The following PRAMEF2 variants were observed in gnomAD, a reference collection of about 807,000 sequenced individuals.
PRAMEF2 encodes PRAME family member 2.
In PRAMEF2, 35 loss-of-function variants were observed where a neutral mutation model predicts 38.0. The observed-to-expected ratio is 0.92, with a 90% confidence interval of 0.70 to 1.22. The LOEUF (loss-of-function observed/expected upper bound fraction) is 1.22. Ranked by LOEUF, PRAMEF2 falls within the 50% of genes most tolerant of loss-of-function variation. The probability of loss-of-function intolerance (pLI) is 0.00; values close to 1 mark genes in which losing one functional copy is unlikely to be tolerated. For synonymous variants in PRAMEF2, 240 were observed against 232.4 expected (o/e 1.03, Z -0.30); for missense variants, 562 against 553.9 (o/e 1.01, Z -0.15).
At chr1:12,859,635 G>A in intron 2 of PRAMEF2, 58 bp from the exon 3 acceptor site, 1 of 1,600,136 alleles carries the variant, frequency 6.2e-7, no homozygotes, top group Non-Finnish European at 8.5e-7. Flanking sequence ...GAGAATGAAA[G>A]CAAAGGTCAG....
chr1:12,861,428 C>T lies in PRAMEF2; in HGVS notation c.1074C>T (p.Gly358=). The change falls in exon 4 of 4, where the codon GGC becomes GGT. Residue 358 remains glycine, a synonymous_variant. Transcript: ENST00000240189. ...CTCTCGAGACCCTCGTGTTAGAGGGCTGTCAGATCCACTACTCCCAACTCA... is the reference window on the plus strand; with the variant it reads ...CTCTCGAGACCCTCGTGTTAGAGGGTTGTCAGATCCACTACTCCCAACTCA... ...AASLETLVLE[G]CQIHYSQLSA... is the part of the protein sequence containing the mutation. 1.2e-6 allele frequency: 2 copies of T among 1,602,296 alleles called. No individual in the cohort carries two copies. The highest frequency in any genetic ancestry group is 1.1e-5 in the South Asian group (1 of 90,198).
intron 1 of PRAMEF2, among the ~76,000 whole-genome samples, 179 bp downstream of exon 1, chr1:12,857,326 T>C (rs1640465824): frequency 6.7e-6 from 1 of 149,912 alleles, no homozygotes; most frequent in Admixed American, 6.9e-5. Flanking sequence ...GATTGTGATT[T>C]GTGCTTGGTT....
intron 1 of PRAMEF2, among the ~76,000 whole-genome samples, chr1:12,857,952 G>A (rs1254970772): frequency 6.8e-6 from 1 of 146,148 alleles, no homozygotes; most frequent in South Asian, 2.2e-4. Flanking sequence ...GCCCCCCTCA[G>A]ACTCCCAAAG....
rs753038653 is a variant in PRAMEF2, at chr1:12,861,312, G to A, written c.958G>A (p.Gly320Ser). 1.2e-5 allele frequency: 20 copies of A among 1,606,956 alleles called. No individual in the cohort carries two copies. The highest frequency in any genetic ancestry group is 1.7e-4 in the Middle Eastern group (1 of 6,046). The stretch of plus-strand genomic sequence containing the variant: ...GTGTCTCTCCCAGTTCCCAAGCCTC[G>A]GTTACCTAAAGCATCTGAATCTCAG... The part of the protein sequence containing the change: ...LKCLSQFPSL[G>S]YLKHLNLSYV... Residue 320 changes from glycine (G) to serine (S), a missense_variant, in exon 4 of 4, where the codon GGT (glycine) becomes AGT (serine). By Grantham distance (56) the Gly-to-Ser change is moderately conservative (BLOSUM62 0). Transcript: ENST00000240189.
chr1:12,859,685 A>G lies in PRAMEF2; in HGVS notation c.288-8A>G, dbSNP rs1327548192. 1 of 1,606,122 alleles carries G rather than the reference A, an allele frequency of 6.2e-7. No individual in the cohort carries two copies. Among genetic ancestry groups the G allele is most frequent in the Non-Finnish European group, 8.5e-7 (1 of 1,176,948 alleles). ...AAATTCTGAGCCTCTCCCTTACTTT[A>G]CCCACAGGAGGTGGAAACTTCAAGT... is the stretch of plus-strand genomic sequence containing the variant. On this transcript the variant is annotated splice_polypyrimidine_tract_variant and splice_region_variant and intron_variant, in intron 2 of 3. Coordinates refer to ENST00000240189, the MANE Select transcript of PRAMEF2 (RefSeq NM_023014.1).
At position 12,861,124 on chromosome 1, in the gene PRAMEF2, T is replaced by C. The variant is rs548681468; in HGVS notation, c.867-97T>C. The C allele has an allele frequency of 2.9e-6, 4 of 1,369,620 alleles. No homozygotes were observed. In the East Asian group the frequency reaches 9.1e-5, roughly 31 times the overall value. 84.8% of individuals were successfully genotyped at this position (1,369,620 alleles called of 1,614,324 possible). A position where few individuals can be genotyped will look rare whatever the true frequency, so the allele number is the denominator to read the frequency against. On this transcript the variant is annotated intron_variant, in intron 3 of 3. Coordinates refer to ENST00000240189, the MANE Select transcript of PRAMEF2 (RefSeq NM_023014.1). ...CATCATCAGATGGTGGGAACAAACT[T>C]GTGTTTGGTTGAAGCAGGTATTTTC... is the stretch of plus-strand genomic sequence containing the variant.
chr1:12,857,622 G>A lies in PRAMEF2; in HGVS notation c.-26+475G>A, dbSNP rs959455959. On this transcript the variant is annotated intron_variant, in intron 1 of 3. Transcript: ENST00000240189. ...TCAAAAAGTGGGTAATTGTGAGTAT[G>A]TGGAAGTGATGTCTATAGGAACCTT... 7.8e-5 allele frequency among the ~76,000 whole-genome samples: 11 copies of A among 141,702 alleles called. 2 individuals are homozygous for A. The highest frequency in any genetic ancestry group is 1.2e-4 in the Non-Finnish European group (8 of 65,340). The allele number at this position is 141,702 out of a possible 152,430, so 93.0% of individuals were successfully genotyped here. A position where few individuals can be genotyped will look rare whatever the true frequency, so the allele number is the denominator to read the frequency against.
At chr1:12,860,870 C>T (rs1173172465) in intron 3 of PRAMEF2, among the ~76,000 whole-genome samples, 2 of 149,894 alleles carry the variant, frequency 1.3e-5, no homozygotes, top group East Asian at 1.9e-4. Flanking sequence ...GACATGTAGC[C>T]CTAGCTGATG....
In PRAMEF2 at chr1:12,861,850, T is replaced by A. The variant is rs1427688809; in HGVS notation, c.*71T>A. 1 of 1,534,306 alleles carries A rather than the reference T, an allele frequency of 6.5e-7. No individual in the cohort carries two copies. Among genetic ancestry groups the A allele is most frequent in the Non-Finnish European group, 8.8e-7 (1 of 1,141,598 alleles). ...GGCACTTGGACACTAAAATCTACTA[T>A]GTAGGTGCAAACTATTTTTCTCTTT... On this transcript the variant is annotated 3_prime_UTR_variant, in exon 4 of 4. Transcript: ENST00000240189.
chr1:12,861,287 G>C lies in PRAMEF2; in HGVS notation c.933G>C (p.Lys311Asn), dbSNP rs199879982. 6.3e-7 allele frequency: 1 copy of C among 1,599,288 alleles called. No homozygotes were observed. The highest frequency in any genetic ancestry group is 2.3e-5 in the East Asian group (1 of 44,072). The change falls in exon 4 of 4, where the codon AAG becomes AAC. Residue 311 changes from lysine to asparagine, a missense_variant. By Grantham distance (94) the Lys-to-Asn change is moderately conservative. Around this residue, in one of 2 missense-constraint regions of PRAMEF2, gnomAD observed 486 missense variants for 444.2 expected, o/e 1.09. Transcript: ENST00000240189. ...TCGNLLEEDL[K>N]CLSQFPSLGY... ...GCAACCTATTAGAAGAGGACTTGAA[G>C]TGTCTCTCCCAGTTCCCAAGCCTCG...
chr1:12,860,967 G>A (rs1447038010), intron 3 of PRAMEF2, among the ~76,000 whole-genome samples: 2 of 145,666 alleles, frequency 1.4e-5, no homozygotes, highest in African/African-American at 2.6e-5. Context: ...GCTAAAAGAT[G>A]AAAAACAAAA....
chr1:12,858,842 T>G, intron 1 of PRAMEF2, 143 bp from the exon 2 acceptor site: 2 of 968,136 alleles, frequency 2.1e-6, no homozygotes, highest in Non-Finnish European at 3.0e-6. Context: ...GAAGTATAGA[T>G]TTGAGGCCAA....
At chr1:12,859,426 G>C in intron 2 of PRAMEF2, 130 bp downstream of exon 2, 1 of 1,526,702 alleles carries the variant, frequency 6.6e-7, no homozygotes, top group Non-Finnish European at 8.9e-7. Context: ...GCTCAGGGAG[G>C]CTTTGGCCAT....
intron 3 of PRAMEF2, 86 bp from the exon 4 acceptor site, chr1:12,861,135 G>C: frequency 7.0e-7 from 1 of 1,436,060 alleles, no homozygotes; most frequent in Admixed American, 2.0e-5. Flanking sequence ...GTGTTTGGTT[G>C]AAGCAGGTAT....
At chr1:12,859,656 C>T (rs1856641) in intron 2 of PRAMEF2, 37 bp from the exon 3 acceptor site, 22,263 of 1,582,828 alleles carry the variant, frequency 0.014, 832 homozygotes, top group South Asian at 0.031. Context: ...GGATGAGTCC[C>T]TCTAAATTCT....
At chr1:12,860,414 T>G in intron 3 of PRAMEF2, 143 bp downstream of exon 3, 1 of 1,497,894 alleles carries the variant, frequency 6.7e-7, no homozygotes, top group Non-Finnish European at 9.0e-7. Context: ...CATTGTCCCA[T>G]TCAGTGTTCC....
At position 12,859,935 on chromosome 1, in the gene PRAMEF2, T is replaced by G; in HGVS notation, c.530T>G (p.Leu177Ter). The change falls in exon 3 of 4, where the codon TTA becomes TGA. Residue 177 changes from leucine to a stop codon, truncating the protein, a stop_gained. Transcript: ENST00000240189. LOFTEE classifies it high-confidence loss of function. ...CAGTGGGTTTACCAAAGGAGAGGTT[T>G]AGTACACCTGTGCTGTAGTAAGCTG... ...LFQWVYQRRG[L>*]VHLCCSKLVN... 2 of 1,608,574 alleles carry G rather than the reference T, an allele frequency of 1.2e-6. No homozygotes were observed. The highest frequency in any genetic ancestry group is 1.7e-6 in the Non-Finnish European group (2 of 1,177,270).
In PRAMEF2 at chr1:12,859,188, C is replaced by A. The variant is rs375038780; in HGVS notation, c.179C>A (p.Pro60His). The A allele has an allele frequency of 6.2e-7, 1 of 1,609,526 alleles. No homozygotes were observed. The highest frequency in any genetic ancestry group is 1.1e-5 in the South Asian group (1 of 90,926). Reference sequence around the variant, plus strand: ...CTGACGGTGATGGTGCAGGCCTGGCCTTTCACCTGCCTCCCTCTGGTATCG... The same window carrying A: ...CTGACGGTGATGGTGCAGGCCTGGCATTTCACCTGCCTCCCTCTGGTATCG... The part of the protein sequence containing the change: ...QTLTVMVQAW[P>H]FTCLPLVSLM... The change falls in exon 2 of 4, where the codon CCT becomes CAT. Residue 60 changes from proline (P) to histidine (H), a missense_variant. By Grantham distance (77) the Pro-to-His change is moderately conservative (BLOSUM62 -2). Around this residue, in one of 2 missense-constraint regions of PRAMEF2, gnomAD observed 486 missense variants for 444.2 expected, o/e 1.09. Coordinates refer to ENST00000240189, the MANE Select transcript of PRAMEF2 (RefSeq NM_023014.1).
chr1:12,857,760 T>G (rs1640471644), intron 1 of PRAMEF2, among the ~76,000 whole-genome samples: 1 of 141,628 alleles, frequency 7.1e-6, no homozygotes, highest in Admixed American at 7.2e-5. Flanking sequence ...AGTGCCATGG[T>G]GTGGTTTGGC....
Sources: gnomAD v4.1 joint callset for allele counts (sites outside exome capture counted in the v4.1 genomes callset) on GRCh38, gnomAD v4.1.1 for gene constraint, gnomAD v4.1.1 regional missense constraint, MANE v1.5 for transcripts, NCBI Gene and HGNC (gene_info 2026-07-23, HGNC 2026-07-21) for gene names.